The following WNT3 variants were observed in gnomAD, a reference collection of about 807,000 sequenced individuals.
WNT3 encodes the protein proto-oncogene Wnt-3.
Under a neutral mutation model 34.2 loss-of-function variants are expected in WNT3, and 7 were observed. That is an observed-to-expected ratio of 0.20 (90% confidence interval 0.12 to 0.38). The LOEUF is 0.38. Ranked by LOEUF, WNT3 falls within the 10% of genes least tolerant of loss-of-function variation. The probability of loss-of-function intolerance (pLI) is 1.00; values close to 1 mark genes in which losing one functional copy is unlikely to be tolerated. For missense variants in WNT3, 267 were observed against 499.8 expected (o/e 0.53, Z 4.44); for synonymous variants, 212 against 211.5 (o/e 1.00, Z -0.02).
intron 1 of WNT3, among the ~76,000 whole-genome samples, chr17:46,816,274 A>G (rs2084345142): frequency 6.6e-6 from 1 of 151,900 alleles, no homozygotes; most frequent in Admixed American, 6.6e-5. Flanking sequence ...ACACATGTAC[A>G]TACACACATC....
chr17:46,778,642 C>T (rs1370822342), intron 1 of WNT3, among the ~76,000 whole-genome samples: 1 of 152,184 alleles, frequency 6.6e-6, no homozygotes, highest in African/African-American at 2.4e-5. Flanking sequence ...CTTCGGGAGG[C>T]GGCACAGTGA....
chr17:46,797,413 A>G (rs895157419), intron 1 of WNT3, among the ~76,000 whole-genome samples: 1 of 152,196 alleles, frequency 6.6e-6, no homozygotes, highest in African/African-American at 2.4e-5. Flanking sequence ...GAGGGAAAGG[A>G]AAGAGTTTTC....
chr17:46,769,353 A>C (rs1489767212), intron 3 of WNT3, among the ~76,000 whole-genome samples: 3 of 152,102 alleles, frequency 2.0e-5, no homozygotes, highest in Admixed American at 1.3e-4. Flanking sequence ...AGAAAAAAGA[A>C]ATAGGAGTTA....
At chr17:46,781,192 C>T (rs2059457445) in intron 1 of WNT3, among the ~76,000 whole-genome samples, 1 of 150,736 alleles carries the variant, frequency 6.6e-6, no homozygotes, top group Admixed American at 6.6e-5. Context: ...CGCCACTGCA[C>T]TCCAGCTTGG....
At chr17:46,769,678 C>A in intron 3 of WNT3, 105 bp downstream of exon 3, 1 of 1,492,492 alleles carries the variant, frequency 6.7e-7, no homozygotes, top group Non-Finnish European at 9.1e-7. Context: ...AAGGAGCCCG[C>A]GACCCACAGG....
At chr17:46,811,963 A>G (rs2084282021) in intron 1 of WNT3, among the ~76,000 whole-genome samples, 1 of 152,104 alleles carries the variant, frequency 6.6e-6, no homozygotes, top group Non-Finnish European at 1.5e-5. Context: ...TTTCAAGAAA[A>G]AAAGAAAGAA....
chr17:46,779,057 A>T (rs199682775), intron 1 of WNT3, among the ~76,000 whole-genome samples: 13 of 80,456 alleles, frequency 1.6e-4, no homozygotes, highest in East Asian at 1.6e-3. Flanking sequence ...ACCCCATCAC[A>T]CACACACACA....
chr17:46,797,708 A>T (rs574464496), intron 1 of WNT3, among the ~76,000 whole-genome samples: 3 of 152,262 alleles, frequency 2.0e-5, no homozygotes, highest in African/African-American at 7.2e-5. Context: ...TGGCCAGGAG[A>T]CAAAATAGAT....
At chr17:46,771,873 C>A (rs1049118816) in intron 2 of WNT3, among the ~76,000 whole-genome samples, 6 of 144,740 alleles carry the variant, frequency 4.1e-5, no homozygotes, top group Non-Finnish European at 7.7e-5. Context: ...CCAGGCCCCT[C>A]CGGCGCCCGC....
At chr17:46,769,610 G>A (rs2059345584) in intron 3 of WNT3, among the ~76,000 whole-genome samples, 173 bp downstream of exon 3, 1 of 152,204 alleles carries the variant, frequency 6.6e-6, no homozygotes, top group African/African-American at 2.4e-5. Flanking sequence ...GGAGGAAGGA[G>A]GGTGGACAGA....
At chr17:46,766,473 G>A (rs866287043) in intron 4 of WNT3, among the ~76,000 whole-genome samples, 2 of 151,564 alleles carry the variant, frequency 1.3e-5, no homozygotes, top group African/African-American at 2.4e-5. Flanking sequence ...GGAAACTGGC[G>A]CTCCCAGGCC....
At position 46,818,640 on chromosome 17, in the gene WNT3, A is replaced by C; in HGVS notation, c.-43T>G. On this transcript the variant is annotated 5_prime_UTR_variant, in exon 1 of 5. Transcript: ENST00000225512. ...AGGAAGTTTGCCCGCGACCATGAAGAGGGGGAGCGACGCCCCCAATAGTTG... is the reference window on the plus strand; with the variant it reads ...AGGAAGTTTGCCCGCGACCATGAAGCGGGGGAGCGACGCCCCCAATAGTTG... The C allele has an allele frequency of 6.5e-7, 1 of 1,536,390 alleles. No homozygotes were observed.
At chr17:46,796,884 A>C (rs1216644004) in intron 1 of WNT3, among the ~76,000 whole-genome samples, 1 of 152,166 alleles carries the variant, frequency 6.6e-6, no homozygotes, top group Non-Finnish European at 1.5e-5. Flanking sequence ...GGACTGAACT[A>C]GTTTACACGG....
At chr17:46,783,048 A>AGGGGCTAGTTCATTCTCTCAAC (rs951451906) in intron 1 of WNT3, among the ~76,000 whole-genome samples, 2 of 152,142 alleles carry the variant, frequency 1.3e-5, no homozygotes, top group Non-Finnish European at 2.9e-5. Flanking sequence ...CCTTGCCATT[A>AGGGGCTAGTTCATTCTCTCAAC]GGGGCTAGTT....
At chr17:46,776,452 G>A (rs1050811729) in intron 1 of WNT3, among the ~76,000 whole-genome samples, 7 of 152,144 alleles carry the variant, frequency 4.6e-5, no homozygotes, top group South Asian at 2.1e-4. Context: ...TAATCCTCAC[G>A]GCAGGTCTGT....
intron 1 of WNT3, among the ~76,000 whole-genome samples, chr17:46,811,020 G>T (rs1568097560): frequency 6.6e-6 from 1 of 152,060 alleles, no homozygotes. Context: ...CACATAATGA[G>T]GCCATTTTGA....
chr17:46,816,514 C>T (rs1418320720), intron 1 of WNT3, among the ~76,000 whole-genome samples: 1 of 141,634 alleles, frequency 7.1e-6, no homozygotes, highest in East Asian at 2.1e-4. Context: ...CACACACACA[C>T]ACCTCTCTCC....
At chr17:46,809,530 G>A (rs1032572123) in intron 1 of WNT3, among the ~76,000 whole-genome samples, 6 of 152,218 alleles carry the variant, frequency 3.9e-5, no homozygotes, top group African/African-American at 1.4e-4. Context: ...TGGAGGGAAT[G>A]GCTTGTGCCT....
chr17:46,815,841 C>T (rs963509561), intron 1 of WNT3, among the ~76,000 whole-genome samples: 1 of 152,140 alleles, frequency 6.6e-6, no homozygotes, highest in Non-Finnish European at 1.5e-5. Flanking sequence ...CCCTCCAGGC[C>T]CATGGCTGCC....
Sources: allele counts gnomAD v4.1 joint callset (sites outside exome capture counted in the v4.1 genomes callset), GRCh38; gene constraint gnomAD v4.1.1; transcripts MANE v1.5; gene names NCBI Gene and HGNC (gene_info 2026-07-23, HGNC 2026-07-21).